Variants in TBCK observed in about 807,000 individuals in gnomAD.
TBCK encodes the protein TBC domain-containing protein kinase-like protein.
Under a neutral mutation model 113.4 loss-of-function variants are expected in TBCK, and 99 were observed. That is an observed-to-expected ratio of 0.87 (90% CI 0.74 to 1.03). The LOEUF (loss-of-function observed/expected upper bound fraction) is 1.03. Ranked by LOEUF, TBCK falls within the 50% of genes least tolerant of loss-of-function variation. TBCK has a pLI of 0.00. For synonymous variants in TBCK, 369 were observed against 370.8 expected (o/e 1.00, Z 0.05); for missense variants, 1,045 against 1,061.3 (o/e 0.98, Z 0.21).
At position 106,068,087 on chromosome 4, in the gene TBCK, CAAT is replaced by C. The variant is rs578250135; in HGVS notation, c.2572-21410_2572-21408del. ...GTTTTGGGTAGTATTGTCATCAAAA[CAAT>C]TATTCCAACACATGAACATGGGATG... On this transcript the variant is annotated intron_variant, in intron 25 of 25. Coordinates refer to ENST00000394708, the MANE Select transcript of TBCK (RefSeq NM_001163435.3). 6.2e-4 allele frequency among the ~76,000 whole-genome samples: 95 copies of C among 152,156 alleles called. 1 individual carries two copies. Among genetic ancestry groups the C allele is most frequent in the African/African-American group, 2.2e-3 (91 of 41,536 alleles).
chr4:106,314,527 A>G (rs531079795), intron 1 of TBCK, among the ~76,000 whole-genome samples: 9 of 152,144 alleles, frequency 5.9e-5, no homozygotes, highest in Non-Finnish European at 1.0e-4. Flanking sequence ...AAAAGGTTAA[A>G]AGTGGTTATC....
intron 2 of TBCK, chr4:106,297,857 T>C (rs1322010178): frequency 6.6e-6 from 1 of 152,216 alleles, no homozygotes; most frequent in Non-Finnish European, 1.5e-5. Context: ...GCCAGATTTT[T>C]TCTGTAAGAT....
At chr4:106,315,672 C>T (rs1017927970) in intron 1 of TBCK, 2 of 152,176 alleles carry the variant, frequency 1.3e-5, no homozygotes, top group African/African-American at 2.4e-5. Flanking sequence ...GATTCTCTAA[C>T]CTCCTTTAGC....
At chr4:106,234,003 G>A (rs1759170269) in intron 15 of TBCK, among the ~76,000 whole-genome samples, 1 of 152,026 alleles carries the variant, frequency 6.6e-6, no homozygotes, top group Non-Finnish European at 1.5e-5. Flanking sequence ...ATAATTACAT[G>A]ATAGAATCAT....
intron 9 of TBCK, chr4:106,247,755 T>C (rs1760998369): frequency 6.4e-6 from 1 of 156,346 alleles, no homozygotes; most frequent in African/African-American, 2.4e-5. Context: ...TTTCAAACAT[T>C]ACATAGTAAA....
intron 25 of TBCK, among the ~76,000 whole-genome samples, chr4:106,084,954 C>CAA: frequency 6.6e-6 from 1 of 151,902 alleles, no homozygotes; most frequent in East Asian, 1.9e-4. Flanking sequence ...ATGGAAAAAA[C>CAA]AAAACAAAAC....
At chr4:106,312,595 C>A (rs1397470397) in intron 1 of TBCK, among the ~76,000 whole-genome samples, 5 of 152,056 alleles carry the variant, frequency 3.3e-5, no homozygotes, top group Non-Finnish European at 7.4e-5. Context: ...AAATTCCACT[C>A]TTTAACCAAG....
intron 2 of TBCK, among the ~76,000 whole-genome samples, chr4:106,302,778 G>A (rs1767081463): frequency 6.6e-6 from 1 of 152,162 alleles, no homozygotes; most frequent in Admixed American, 6.5e-5. Context: ...CTGGATTAAG[G>A]GTAAGGGCTG....
rs143323504 is a variant in TBCK, at chr4:106,252,123, T to C, written c.456-116A>G. On this transcript the variant is annotated intron_variant, in intron 5 of 25. Coordinates refer to ENST00000394708, the MANE Select transcript of TBCK (RefSeq NM_001163435.3). Reference sequence around the variant, plus strand: ...AGTCTCATGCAATTAAATTAACAACTGTTGCTAGAAAGCATTCTAAACTAA... The same window carrying C: ...AGTCTCATGCAATTAAATTAACAACCGTTGCTAGAAAGCATTCTAAACTAA... 7.5e-5 allele frequency: 60 copies of C among 794,944 alleles called. No individual in the cohort carries two copies. In the East Asian group the frequency reaches 1.6e-3, roughly 21 times the overall value. 49.2% of individuals were successfully genotyped at this position (794,944 alleles called of 1,614,324 possible).
intron 24 of TBCK, among the ~76,000 whole-genome samples, chr4:106,114,425 C>T (rs186204353): frequency 4.6e-5 from 7 of 152,258 alleles, no homozygotes; most frequent in Non-Finnish European, 1.0e-4. Flanking sequence ...CTGCTATCTC[C>T]GGGCAGGGTG....
At chr4:106,180,491 C>A (rs999502730) in intron 22 of TBCK, among the ~76,000 whole-genome samples, 4 of 151,910 alleles carry the variant, frequency 2.6e-5, no homozygotes, top group African/African-American at 9.7e-5. Context: ...ACCCATCAAC[C>A]CGTCACCTAC....
intron 20 of TBCK, among the ~76,000 whole-genome samples, chr4:106,202,212 C>A (rs1754968709): frequency 1.3e-5 from 2 of 149,936 alleles, no homozygotes; most frequent in Admixed American, 6.6e-5. Flanking sequence ...GAGGCATGAG[C>A]AGAAAATAAA....
chr4:106,263,502 G>T (rs1441987626), intron 3 of TBCK, among the ~76,000 whole-genome samples: 1 of 151,844 alleles, frequency 6.6e-6, no homozygotes, highest in African/African-American at 2.4e-5. Context: ...CATGGGCTTG[G>T]GTGGGGGGTA....
At chr4:106,097,670 T>C (rs1741086313) in intron 24 of TBCK, among the ~76,000 whole-genome samples, 1 of 152,150 alleles carries the variant, frequency 6.6e-6, no homozygotes. Context: ...CAATTTCCCA[T>C]GTGACACAGA....
At chr4:106,278,632 C>A (rs1207918367) in intron 3 of TBCK, among the ~76,000 whole-genome samples, 3 of 133,884 alleles carry the variant, frequency 2.2e-5, no homozygotes, top group African/African-American at 8.2e-5. Context: ...AGAATTTTTT[C>A]TTCATTTCTC....
chr4:106,308,829 G>A lies in TBCK; in HGVS notation c.132C>T (p.Ile44=), dbSNP rs1353856043. The change falls in exon 2 of 26, where the codon ATC becomes ATT. Residue 44 remains isoleucine, a synonymous_variant. Transcript: ENST00000394708. The part of the protein sequence containing the change: ...NSIKILGRFQ[I]LKTITHPRLC... ...GTCTGGGATGGGTGATGGTTTTAAG[G>A]ATTTGAAAGCGCCCTAAAATTTTGA... The A allele has an allele frequency of 6.8e-6, 11 of 1,614,180 alleles. No homozygotes were observed. The highest frequency in any genetic ancestry group is 8.5e-6 in the Non-Finnish European group (10 of 1,180,020).
chr4:106,242,296 A>G (rs1159152327), intron 12 of TBCK, among the ~76,000 whole-genome samples, 174 bp downstream of exon 12: 1 of 152,104 alleles, frequency 6.6e-6, no homozygotes, highest in Non-Finnish European at 1.5e-5. Context: ...TTTGTGAACA[A>G]TCAGGTAATA....
rs1228921515 is a variant in TBCK at position 106,233,028 on chromosome 4, C to G, written c.1549G>C (p.Glu517Gln). The G allele has an allele frequency of 6.2e-7, 1 of 1,611,890 alleles. No individual in the cohort carries two copies. The highest frequency in any genetic ancestry group is 2.2e-5 in the East Asian group (1 of 44,780). The change falls in exon 17 of 26, where the codon GAA becomes CAA. Residue 517 changes from glutamate (E) to glutamine (Q), a missense_variant. Coordinates refer to ENST00000394708, the MANE Select transcript of TBCK (RefSeq NM_001163435.3). ...TGACCTTCTGGTGATGATAACAGTT[C>G]ATCGTACTGATGACAGCGAGGAATA... is the stretch of plus-strand genomic sequence containing the variant. ...VDIPRCHQYD[E>Q]LLSSPEGHAK...
chr4:106,214,034 C>T (rs1290943027), intron 19 of TBCK, among the ~76,000 whole-genome samples: 2 of 152,314 alleles, frequency 1.3e-5, no homozygotes, highest in African/African-American at 4.8e-5. Context: ...AACCAGCAGA[C>T]TGCCCCCTCA....
Sources: allele counts gnomAD v4.1 joint callset (sites outside exome capture counted in the v4.1 genomes callset), GRCh38; gene constraint gnomAD v4.1.1; transcripts MANE v1.5; gene names NCBI Gene and HGNC (gene_info 2026-07-23, HGNC 2026-07-21).